The following ST8SIA4 variants were observed in gnomAD, a reference collection of about 807,000 sequenced individuals.
ST8SIA4 encodes the protein CMP-N-acetylneuraminate-poly-alpha-2,8-sialyltransferase.
A neutral mutation model predicts 33.9 loss-of-function variants in ST8SIA4; 15 were observed. The ratio of observed to expected loss-of-function variants is 0.44; its 90% CI spans 0.30 to 0.68. The LOEUF (loss-of-function observed/expected upper bound fraction) is 0.68. Ranked by LOEUF, ST8SIA4 falls within the 30% of genes least tolerant of loss-of-function variation. The pLI is 0.10. For synonymous variants in ST8SIA4, 171 were observed against 151.2 expected (o/e 1.13, Z -0.96); for missense variants, 321 against 428.0 (o/e 0.75, Z 2.21).
At chr5:100,852,912 G>T (rs3776165) in intron 4 of ST8SIA4, among the ~76,000 whole-genome samples, 137,758 of 152,236 alleles carry the variant, frequency 0.9, 63,009 homozygotes, top group Middle Eastern at 0.98. Context: ...ACAAATCACT[G>T]AAACTTTTTA....
chr5:100,876,239 C>A (rs1224305257), intron 3 of ST8SIA4, among the ~76,000 whole-genome samples: 1 of 152,032 alleles, frequency 6.6e-6, no homozygotes, highest in African/African-American at 2.4e-5. Context: ...TCATCATTTT[C>A]TGCAGTTTTA....
At chr5:100,855,145 G>A (rs1387781128) in intron 4 of ST8SIA4, among the ~76,000 whole-genome samples, 3 of 151,974 alleles carry the variant, frequency 2.0e-5, no homozygotes, top group African/African-American at 7.3e-5. Context: ...GCTTGACCTG[G>A]TACCCTCTAA....
At chr5:100,859,889 C>T (rs989370066) in intron 3 of ST8SIA4, among the ~76,000 whole-genome samples, 1 of 152,028 alleles carries the variant, frequency 6.6e-6, no homozygotes, top group Non-Finnish European at 1.5e-5. Context: ...TATTAACAGG[C>T]ATTTATTGAG....
intron 3 of ST8SIA4, among the ~76,000 whole-genome samples, chr5:100,864,224 A>C (rs2112448976): frequency 6.6e-6 from 1 of 152,316 alleles, no homozygotes; most frequent in Non-Finnish European, 1.5e-5. Flanking sequence ...GCTTGTAATA[A>C]GTAATACGGA....
At chr5:100,816,377 T>C (rs1750916997) in intron 4 of ST8SIA4, 3 of 414,768 alleles carry the variant, frequency 7.2e-6, no homozygotes, top group Non-Finnish European at 4.8e-6. Flanking sequence ...AAAAATGTTA[T>C]ATTTAACAAC....
At chr5:100,846,459 C>G (rs976291238) in intron 4 of ST8SIA4, among the ~76,000 whole-genome samples, 1 of 151,774 alleles carries the variant, frequency 6.6e-6, no homozygotes, top group Non-Finnish European at 1.5e-5. Context: ...TAAAATAAAC[C>G]TACAGAGTTG....
intron 4 of ST8SIA4, among the ~76,000 whole-genome samples, chr5:100,846,316 A>G (rs1393364049): frequency 6.6e-6 from 1 of 151,988 alleles, no homozygotes; most frequent in Non-Finnish European, 1.5e-5. Context: ...GTCTAACTTC[A>G]GCACAACTTT....
chr5:100,823,252 A>G (rs1485071084), intron 4 of ST8SIA4, among the ~76,000 whole-genome samples: 1 of 152,288 alleles, frequency 6.6e-6, no homozygotes, highest in African/African-American at 2.4e-5. Flanking sequence ...CAGTTTACAA[A>G]TGCCATGGTG....
chr5:100,864,195 T>C (rs918585352), intron 3 of ST8SIA4, among the ~76,000 whole-genome samples: 3 of 152,202 alleles, frequency 2.0e-5, no homozygotes, highest in Non-Finnish European at 2.9e-5. Context: ...TAACAGCATC[T>C]GGTTGTCAAT....
At chr5:100,867,584 G>T (rs1193876810) in intron 3 of ST8SIA4, among the ~76,000 whole-genome samples, 2 of 151,772 alleles carry the variant, frequency 1.3e-5, no homozygotes, top group Non-Finnish European at 2.9e-5. Flanking sequence ...TACATTAGAG[G>T]GGTTGTAGGA....
chr5:100,820,586 T>C (rs1424516108), intron 4 of ST8SIA4, among the ~76,000 whole-genome samples: 1 of 152,080 alleles, frequency 6.6e-6, no homozygotes, highest in Non-Finnish European at 1.5e-5. Flanking sequence ...AAGCTAAAGC[T>C]AATGTAAGAG....
At chr5:100,864,934 T>C (rs1428412658) in intron 3 of ST8SIA4, among the ~76,000 whole-genome samples, 1 of 152,206 alleles carries the variant, frequency 6.6e-6, no homozygotes, top group East Asian at 1.9e-4. Context: ...TTTGTTTCTG[T>C]TCTTATCTTG....
intron 3 of ST8SIA4, among the ~76,000 whole-genome samples, chr5:100,860,994 AG>A: frequency 6.6e-6 from 1 of 152,320 alleles, no homozygotes; most frequent in Middle Eastern, 3.4e-3. Context: ...CTTGATAGAC[AG>A]GATTTCAAAA....
At position 100,868,567 on chromosome 5, in the gene ST8SIA4, A is replaced by G. The variant is rs2059197; in HGVS notation, c.504-12171T>C. On this transcript the variant is annotated intron_variant, in intron 3 of 4. Coordinates refer to ENST00000231461, the MANE Select transcript of ST8SIA4 (RefSeq NM_005668.6). ...ATGAACCTAACCAAACATCTTCAGT[A>G]GTTTCAGTCAAGATTCCTAATTGGG... Among the ~76,000 whole-genome samples the G allele has an allele frequency of 6.8e-4, 103 of 152,152 alleles. 1 individual carries two copies. In the South Asian group the frequency reaches 0.012, roughly 17 times the overall value.
intron 4 of ST8SIA4, among the ~76,000 whole-genome samples, chr5:100,827,221 G>C (rs957239591): frequency 1.3e-5 from 2 of 152,090 alleles, no homozygotes; most frequent in African/African-American, 4.8e-5. Flanking sequence ...TCAATATCAA[G>C]AAATAAATAT....
chr5:100,892,331 CA>C (rs1272538208), intron 2 of ST8SIA4, among the ~76,000 whole-genome samples: 2 of 152,062 alleles, frequency 1.3e-5, no homozygotes, highest in African/African-American at 2.4e-5. Flanking sequence ...TAATAAAGAA[CA>C]AACTTTTATC....
Position 100,903,023 on chromosome 5 carries a change from T to C in ST8SIA4, c.-68A>G. 8.7e-7 allele frequency: 1 copy of C among 1,144,152 alleles called. No homozygotes were observed. The allele number at this position is 1,144,152 out of a possible 1,614,324, so 70.9% of individuals were successfully genotyped here. On this transcript the variant is annotated 5_prime_UTR_variant, in exon 1 of 5. Transcript: ENST00000231461. ...CTTCTCTTGATATAAAGGCTCCGTT[T>C]TGGGGAGATAGTCGCGGGGGTGAAA...
intron 4 of ST8SIA4, among the ~76,000 whole-genome samples, chr5:100,850,749 A>G (rs1751676087): frequency 6.6e-6 from 1 of 151,714 alleles, no homozygotes; most frequent in Non-Finnish European, 1.5e-5. Context: ...TGGGAAAAAA[A>G]CACATTCTAA....
At chr5:100,875,363 T>A (rs765276368) in intron 3 of ST8SIA4, among the ~76,000 whole-genome samples, 2 of 152,238 alleles carry the variant, frequency 1.3e-5, no homozygotes, top group African/African-American at 4.8e-5. Context: ...AAATTTATTA[T>A]GTGTGATATC....
Sources: allele counts gnomAD v4.1 joint callset (sites outside exome capture counted in the v4.1 genomes callset), GRCh38; gene constraint gnomAD v4.1.1; transcripts MANE v1.5; gene names NCBI Gene and HGNC (gene_info 2026-07-23, HGNC 2026-07-21).